The following SV2C variants were observed in gnomAD, a reference collection of about 807,000 sequenced individuals.
SV2C encodes the protein solute carrier family 22 member B3.
A neutral mutation model predicts 79.7 loss-of-function variants in SV2C; 49 were observed. The observed-to-expected ratio is 0.61, with a 90% CI of 0.49 to 0.78. The LOEUF is 0.78. SV2C is among the 30% of genes least tolerant of loss of function. The probability of loss-of-function intolerance (pLI) is 0.00; values close to 1 mark genes in which losing one functional copy is unlikely to be tolerated. For synonymous variants in SV2C, 334 were observed against 333.2 expected (o/e 1.00, Z -0.03); for missense variants, 833 against 912.9 (o/e 0.91, Z 1.13).
chr5:76,125,087 A>G (rs1043592984), intron 1 of SV2C, among the ~76,000 whole-genome samples: 5 of 152,226 alleles, frequency 3.3e-5, no homozygotes, highest in South Asian at 2.1e-4. Context: ...TATGAGATCT[A>G]TTCTTCATAG....
At chr5:75,926,404 T>C in the SV2C span, among the ~76,000 whole-genome samples, 2 of 152,352 alleles carry the variant, frequency 1.3e-5, no homozygotes, top group South Asian at 2.1e-4. Flanking sequence ...TAATGAGCTT[T>C]GCTACTGATA....
At chr5:75,893,083 T>C in the SV2C span, among the ~76,000 whole-genome samples, 8,386 of 152,138 alleles carry the variant, frequency 0.055, 744 homozygotes, top group African/African-American at 0.18. Flanking sequence ...CTCACCAACA[T>C]CTGTTATTTT....
intron 9 of SV2C, among the ~76,000 whole-genome samples, chr5:76,296,597 C>T (rs2112515306): frequency 6.6e-6 from 1 of 152,224 alleles, no homozygotes; most frequent in Middle Eastern, 3.4e-3. Flanking sequence ...TTGTTTATAT[C>T]CAAGTATTTT....
At chr5:76,335,886 T>C (rs1235108079), downstream of SV2C, among the ~76,000 whole-genome samples, 1 of 152,246 alleles carries the variant, frequency 6.6e-6, no homozygotes, top group African/African-American at 2.4e-5. Context: ...CCCCTTTCTA[T>C]TCCACAAAAC....
chr5:75,986,205 C>A, the SV2C span, among the ~76,000 whole-genome samples: 8 of 151,388 alleles, frequency 5.3e-5, no homozygotes, highest in African/African-American at 1.9e-4. Flanking sequence ...GCTAAAGGAA[C>A]TTTGCATATA....
At chr5:76,220,784 T>C (rs1205304245) in intron 4 of SV2C, among the ~76,000 whole-genome samples, 1 of 152,140 alleles carries the variant, frequency 6.6e-6, no homozygotes, top group Non-Finnish European at 1.5e-5. Context: ...CCCCAATTCC[T>C]TTTTTCTTAC....
chr5:76,155,989 G>A (rs1042248975), intron 2 of SV2C, among the ~76,000 whole-genome samples: 5 of 146,638 alleles, frequency 3.4e-5, no homozygotes, highest in African/African-American at 5.0e-5. Context: ...GTAGTGAAAG[G>A]CAATGGGGAA....
chr5:76,003,904 G>C, the SV2C span, among the ~76,000 whole-genome samples: 1 of 151,956 alleles, frequency 6.6e-6, no homozygotes, highest in African/African-American at 2.4e-5. Flanking sequence ...ACAAAGCTGA[G>C]AGAGAGAACT....
At chr5:75,897,276 T>C in the SV2C span, among the ~76,000 whole-genome samples, 3,503 of 151,874 alleles carry the variant, frequency 0.023, 136 homozygotes, top group African/African-American at 0.081. Flanking sequence ...AGTTTCAGCT[T>C]TCTACATATG....
At chr5:75,930,784 T>C in the SV2C span, among the ~76,000 whole-genome samples, 1 of 152,224 alleles carries the variant, frequency 6.6e-6, no homozygotes, top group African/African-American at 2.4e-5. Flanking sequence ...GAATAATACG[T>C]TAGATCTTTT....
At chr5:76,096,597 T>A (rs1747569508) in intron 1 of SV2C, among the ~76,000 whole-genome samples, 1 of 152,166 alleles carries the variant, frequency 6.6e-6, no homozygotes, top group Non-Finnish European at 1.5e-5. Flanking sequence ...CAGAAGTATG[T>A]GAAAGGTGAG....
the SV2C span, among the ~76,000 whole-genome samples, chr5:75,938,296 C>T: frequency 9.9e-6 from 1 of 100,804 alleles, no homozygotes; most frequent in African/African-American, 4.8e-5. Flanking sequence ...TGAGAACTGC[C>T]TGTATATGCT....
chr5:76,350,204 C>T (rs1749620968), intron 12 of SV2C, among the ~76,000 whole-genome samples: 1 of 152,196 alleles, frequency 6.6e-6, no homozygotes, highest in Non-Finnish European at 1.5e-5. Context: ...TGATTTTCCT[C>T]TCTAGGGGCC....
At chr5:75,876,054 C>T in the SV2C span, among the ~76,000 whole-genome samples, 1 of 152,214 alleles carries the variant, frequency 6.6e-6, no homozygotes, top group South Asian at 2.1e-4. Flanking sequence ...TCCAACCCAG[C>T]AATGCAATTA....
In SV2C at chr5:76,346,936, T is replaced by C. The variant is rs80142286; in HGVS notation, c.2001-6194T>C. 3.9e-3 allele frequency among the ~76,000 whole-genome samples: 600 copies of C among 152,270 alleles called. 5 individuals are homozygous for C. Among genetic ancestry groups the C allele is most frequent in the African/African-American group, 0.014 (570 of 41,554 alleles). On this transcript the variant is annotated intron_variant, in intron 12 of 12. Transcript: ENST00000322285. ...CTGTCTCCGCTACCTAGAAGGCCCT[T>C]CCACCGTGCATCTTTCTTAAATCAG...
chr5:76,002,354 G>A, the SV2C span, among the ~76,000 whole-genome samples: 1 of 152,052 alleles, frequency 6.6e-6, no homozygotes. Context: ...TGAATCAAAG[G>A]TGCAACAGTA....
chr5:76,051,149 A>C, the SV2C span, among the ~76,000 whole-genome samples: 3 of 152,318 alleles, frequency 2.0e-5, no homozygotes, highest in South Asian at 6.2e-4. Flanking sequence ...TGTGAGTAAA[A>C]TATTCACAGA....
At chr5:75,904,936 A>G in the SV2C span, among the ~76,000 whole-genome samples, 1 of 152,220 alleles carries the variant, frequency 6.6e-6, no homozygotes, top group Non-Finnish European at 1.5e-5. Flanking sequence ...CCTTCTGACA[A>G]ATGAAATTCA....
chr5:76,282,565 G>T (rs550462112), intron 4 of SV2C, among the ~76,000 whole-genome samples: 5 of 152,346 alleles, frequency 3.3e-5, no homozygotes, highest in African/African-American at 1.2e-4. Context: ...TGTAAGAGTC[G>T]ATTGAAATAG....
Sources: allele counts gnomAD v4.1 joint callset (sites outside exome capture counted in the v4.1 genomes callset), GRCh38; gene constraint gnomAD v4.1.1; transcripts MANE v1.5; gene names NCBI Gene and HGNC (gene_info 2026-07-23, HGNC 2026-07-21).